The following BCAP29 variants were observed in gnomAD, a reference collection of about 807,000 sequenced individuals.
BCAP29 encodes B cell receptor associated protein 29.
BCAP29 carries 34 observed loss-of-function variants against 31.8 expected under a neutral mutation model. The ratio of observed to expected loss-of-function variants is 1.07; its 90% confidence interval spans 0.81 to 1.42. The LOEUF (loss-of-function observed/expected upper bound fraction) is 1.42. Among genes scored for constraint, BCAP29 ranks in the 40% most tolerant of loss-of-function variants. The probability of loss-of-function intolerance (pLI) is 0.00; values close to 1 mark genes in which losing one functional copy is unlikely to be tolerated. For synonymous variants in BCAP29, 104 were observed against 91.3 expected (o/e 1.14, Z -0.79); for missense variants, 314 against 269.2 (o/e 1.17, Z -1.16).
In BCAP29 at chr7:107,613,215, A is replaced by G. The variant is rs986971591; in HGVS notation, c.590-117A>G. The G allele has an allele frequency of 5.1e-5, 33 of 651,556 alleles. No homozygotes were observed. In the Admixed American group the frequency reaches 7.8e-4, roughly 15 times the overall value. The allele number at this position is 651,556 out of a possible 1,614,324, so 40.4% of individuals were successfully genotyped here. On this transcript the variant is annotated intron_variant, in intron 6 of 7. Coordinates refer to ENST00000005259, the MANE Select transcript of BCAP29 (RefSeq NM_018844.4). ...AGAATATGATAACAAATGTAGCACA[A>G]TGTTAACAGTGGATTTGAGTAAAGA...
In BCAP29 at chr7:107,593,971, A is replaced by G; in HGVS notation, c.210A>G (p.Val70=). The change falls in exon 4 of 8, where the codon GTA becomes GTG. Residue 70 remains valine, a synonymous_variant. Coordinates refer to ENST00000005259, the MANE Select transcript of BCAP29 (RefSeq NM_018844.4). ...CTGTAATAGATGCTGTGAGAGAAGT[A>G]AGGAAATATTCCTCAGTTCATACCA... The part of the protein sequence containing the change: ...IVLFLDAVRE[V]RKYSSVHTIE... 1 of 1,610,794 alleles carries G rather than the reference A, an allele frequency of 6.2e-7. No individual in the cohort carries two copies.
At chr7:107,607,736 C>T (rs185561250) in intron 6 of BCAP29, among the ~76,000 whole-genome samples, 2 of 151,266 alleles carry the variant, frequency 1.3e-5, no homozygotes, top group East Asian at 2.0e-4. Flanking sequence ...CCCCAGGTCC[C>T]GGTTCCAGCA....
intron 6 of BCAP29, among the ~76,000 whole-genome samples, chr7:107,601,454 C>A (rs906622354): frequency 6.6e-6 from 1 of 152,066 alleles, no homozygotes; most frequent in Non-Finnish European, 1.5e-5. Flanking sequence ...TAGTCACGTT[C>A]CTCCTTATTA....
rs36213596 is a variant in BCAP29, at chr7:107,612,391, TTATATATATATA to T, written c.590-903_590-892del. ...AGCACCTTCTTCACAATGTATTGTT[TTATATATATATA>T]TATATATATATATATATATATATAT... On this transcript the variant is annotated intron_variant, in intron 6 of 7. Transcript: ENST00000005259. Among the ~76,000 whole-genome samples the T allele has an allele frequency of 5.0e-3, 155 of 30,870 alleles. 1 individual carries two copies. Among genetic ancestry groups the T allele is most frequent in the Admixed American group, 0.022 (54 of 2,468 alleles). The allele number at this position is 30,870 out of a possible 152,430, so 20.3% of individuals were successfully genotyped here. A position where few individuals can be genotyped will look rare whatever the true frequency, so the allele number is the denominator to read the frequency against.
chr7:107,596,355 T>G (rs1023970013), intron 5 of BCAP29, among the ~76,000 whole-genome samples: 1 of 152,206 alleles, frequency 6.6e-6, no homozygotes, highest in African/African-American at 2.4e-5. Flanking sequence ...TATAACTGTT[T>G]CTATTTCTTT....
chr7:107,593,722 A>G lies in BCAP29; in HGVS notation c.194-233A>G, dbSNP rs541728782. On this transcript the variant is annotated intron_variant, in intron 3 of 7. Transcript: ENST00000005259. ...TAAAATGATGGTAAGTACTAGATGA[A>G]TAATTTTAAAAATGCTATAGTAATT... Among the ~76,000 whole-genome samples the G allele has an allele frequency of 3.9e-4, 59 of 152,320 alleles. 1 individual carries two copies. In the South Asian group the frequency reaches 0.012, roughly 31 times the overall value.
intron 4 of BCAP29, 52 bp from the exon 5 acceptor site, chr7:107,595,815 A>C (rs948803767): frequency 3.8e-6 from 6 of 1,568,156 alleles, no homozygotes; most frequent in Non-Finnish European, 5.2e-6. Flanking sequence ...CTGTTTTAAA[A>C]TAAGTTTCTG....
downstream of BCAP29, chr7:107,622,906 T>C (rs953223097): frequency 6.6e-6 from 1 of 152,198 alleles, no homozygotes; most frequent in Non-Finnish European, 1.5e-5. Flanking sequence ...ATCCATTCTT[T>C]CATTCACCTG....
Position 107,613,314 on chromosome 7 carries a change from CTA to C in BCAP29, c.590-16_590-15del. The C allele has an allele frequency of 6.5e-7, 1 of 1,541,058 alleles. No individual in the cohort carries two copies. On this transcript the variant is annotated splice_polypyrimidine_tract_variant and intron_variant, in intron 6 of 7. Transcript: ENST00000005259. ...AAATTATTCTGAAATAAAAATAAAACTATTCGATATTTTCTAGCCCTTTCTAA... is the reference window on the plus strand; with the variant it reads ...AAATTATTCTGAAATAAAAATAAAACTTCGATATTTTCTAGCCCTTTCTAA...
chr7:107,597,781 A>G (rs980965567), intron 5 of BCAP29, among the ~76,000 whole-genome samples: 4 of 152,218 alleles, frequency 2.6e-5, no homozygotes, highest in South Asian at 2.1e-4. Context: ...CTCCTATGTT[A>G]TCTGATAGAA....
At position 107,603,903 on chromosome 7, in the gene BCAP29, C is replaced by T. The variant is rs557209894; in HGVS notation, c.589+3398C>T. 4.6e-5 allele frequency among the ~76,000 whole-genome samples: 7 copies of T among 152,152 alleles called. No individual in the cohort carries two copies. In the South Asian group the frequency reaches 1.2e-3, roughly 27 times the overall value. ...ACAGGCATGAACTGCTGTGCCTGGG[C>T]CTCAGCAATTTTTAAAAGAACTTTT... On this transcript the variant is annotated intron_variant, in intron 6 of 7. Transcript: ENST00000005259.
intron 3 of BCAP29, among the ~76,000 whole-genome samples, chr7:107,585,310 T>A (rs571200294): frequency 6.6e-6 from 1 of 152,186 alleles, no homozygotes; most frequent in Non-Finnish European, 1.5e-5. Context: ...GAACATCTGG[T>A]ATGAGAAGGG....
At chr7:107,601,103 A>AT (rs1811095554) in intron 6 of BCAP29, among the ~76,000 whole-genome samples, 6 of 152,114 alleles carry the variant, frequency 3.9e-5, no homozygotes. Context: ...TAAAAAAAAA[A>AT]GTTTTGCTAG....
chr7:107,606,677 T>C (rs990858826), intron 6 of BCAP29, among the ~76,000 whole-genome samples: 14 of 152,324 alleles, frequency 9.2e-5, no homozygotes, highest in African/African-American at 3.1e-4. Context: ...CAATTCTCAT[T>C]AGTGTTAGAG....
intron 3 of BCAP29, 87 bp from the exon 4 acceptor site, chr7:107,593,848 AGTCCATTATTTAAAAGTTTG>A: frequency 8.7e-7 from 1 of 1,150,750 alleles, no homozygotes; most frequent in South Asian, 1.8e-5. Flanking sequence ...CTCTGCCTAA[AGTCCATTATTTAAAAGTTTG>A]GTCAGTTTTT....
chr7:107,612,392 T>G (rs1368783563), intron 6 of BCAP29, among the ~76,000 whole-genome samples: 2 of 5,284 alleles, frequency 3.8e-4, no homozygotes, highest in African/African-American at 9.6e-4. Flanking sequence ...TGTATTGTTT[T>G]ATATATATAT....
chr7:107,588,614 C>T lies in BCAP29; in HGVS notation c.193+4632C>T, dbSNP rs560997744. Among the ~76,000 whole-genome samples, 38 of 152,292 alleles carry T rather than the reference C, an allele frequency of 2.5e-4. No individual in the cohort carries two copies. The South Asian group carries it at 7.5e-3, about 30-fold the overall frequency. Reference sequence around the variant, plus strand: ...ACGTCAACCCTTAAAAGAAGGGAATCATACTGGGTGTGATCACATTTATAT... The same window carrying T: ...ACGTCAACCCTTAAAAGAAGGGAATTATACTGGGTGTGATCACATTTATAT... On this transcript the variant is annotated intron_variant, in intron 3 of 7. Transcript: ENST00000005259.
At chr7:107,600,190 C>T in intron 5 of BCAP29, 1 of 580,946 alleles carries the variant, frequency 1.7e-6, no homozygotes, top group Non-Finnish European at 3.1e-6. Context: ...ACAGATTTTG[C>T]CATAATAGGA....
In BCAP29 at chr7:107,580,833, A is replaced by G. The variant is rs1353026006; in HGVS notation, c.61A>G (p.Ile21Val). The G allele has an allele frequency of 1.3e-6, 2 of 1,590,590 alleles. No individual in the cohort carries two copies. The highest frequency in any genetic ancestry group is 1.7e-6 in the Non-Finnish European group (2 of 1,170,304). The change falls in exon 2 of 8, where the codon ATC becomes GTC. Residue 21 changes from isoleucine to valine, a missense_variant. Coordinates refer to ENST00000005259, the MANE Select transcript of BCAP29 (RefSeq NM_018844.4). Reference protein sequence around the residue: ...FLYAEIGLILIFCLPFIPPQR... With the variant: ...FLYAEIGLILVFCLPFIPPQR... ...TTATGCCGAAATAGGACTCATTTTA[A>G]TCTTCTGCCTACCTTTTATTCCTCC...
Sources: allele counts gnomAD v4.1 joint callset (sites outside exome capture counted in the v4.1 genomes callset), GRCh38; gene constraint gnomAD v4.1.1; transcripts MANE v1.5; gene names NCBI Gene and HGNC (gene_info 2026-07-23, HGNC 2026-07-21).